Variants in HTR2C observed in about 807,000 individuals in gnomAD.
The protein encoded by HTR2C is 5-hydroxytryptamine (serotonin) receptor 2C, G protein-coupled.
In HTR2C, 5 loss-of-function variants were observed where a neutral mutation model predicts 21.0. The ratio of observed to expected loss-of-function variants is 0.24; its 90% CI spans 0.12 to 0.50. The LOEUF is 0.50. HTR2C is among the 20% of genes least tolerant of loss of function. The pLI, the probability that HTR2C is intolerant of heterozygous loss-of-function variation, is 0.98. For missense variants in HTR2C, 271 were observed against 371.2 expected, an observed-to-expected ratio of 0.73 and a Z score of 2.22; for synonymous variants, 150 against 145.3, an observed-to-expected ratio of 1.03 and a Z score of -0.23.
intron 2 of HTR2C, among the ~76,000 whole-genome samples, chrX:114,672,501 T>C (rs74635896): frequency 8.9e-6 from 1 of 112,350 alleles, no homozygotes; most frequent in African/African-American, 3.2e-5. Context: ...AAATTATTTT[T>C]TAAAGGGGTA....
At chrX:114,651,304 C>A (rs1556408459) in intron 2 of HTR2C, among the ~76,000 whole-genome samples, 5 of 111,188 alleles carry the variant, frequency 4.5e-5, no homozygotes, top group Non-Finnish European at 9.5e-5. Flanking sequence ...CAGTTGTTCC[C>A]AGATAAATTT....
intron 2 of HTR2C, among the ~76,000 whole-genome samples, chrX:114,634,816 A>G (rs1272145263): frequency 9.0e-6 from 1 of 111,486 alleles, no homozygotes; most frequent in Admixed American, 9.6e-5. Context: ...CATCTTAAAA[A>G]AAAAATCAGT....
chrX:114,836,424 G>T (rs183317399), intron 4 of HTR2C, among the ~76,000 whole-genome samples: 1 of 112,616 alleles, frequency 8.9e-6, no homozygotes, highest in Non-Finnish European at 1.9e-5. Flanking sequence ...CGTTTTTTAA[G>T]CCGGTCGGAA....
chrX:114,723,892 A>C (rs1463553370), intron 2 of HTR2C, among the ~76,000 whole-genome samples: 11 of 98,860 alleles, frequency 1.1e-4, no homozygotes, highest in African/African-American at 3.3e-4. Flanking sequence ...AGTTTGTTAT[A>C]ATCTCTGTTC....
intron 1 of HTR2C, among the ~76,000 whole-genome samples, chrX:114,597,362 G>A (rs1352723313): frequency 1.8e-5 from 2 of 111,297 alleles, no homozygotes; most frequent in Admixed American, 9.6e-5. Context: ...AACATTTTAC[G>A]GTTCCTACCA....
intron 4 of HTR2C, among the ~76,000 whole-genome samples, chrX:114,815,269 A>G (rs1299226135): frequency 5.4e-5 from 6 of 110,655 alleles, no homozygotes; most frequent in African/African-American, 2.0e-4. Context: ...GATGATGACT[A>G]GAAAGAGATA....
At chrX:114,593,017 T>C (rs1384592046) in intron 1 of HTR2C, among the ~76,000 whole-genome samples, 1 of 111,829 alleles carries the variant, frequency 8.9e-6, no homozygotes, top group Non-Finnish European at 1.9e-5. Context: ...CAGAGAAAGA[T>C]GTACGGTTTG....
chrX:114,610,042 G>A (rs148181049), intron 1 of HTR2C, among the ~76,000 whole-genome samples: 3,600 of 111,813 alleles, frequency 0.032, 150 homozygotes, highest in African/African-American at 0.11. Flanking sequence ...ACTCATTAAG[G>A]TGGATTCCTT....
intron 2 of HTR2C, chrX:114,715,280 C>T (rs782471028): frequency 1.0e-5 from 4 of 382,873 alleles, no homozygotes; most frequent in South Asian, 2.4e-5. Context: ...TATCCAAGTA[C>T]CCTGTGTTAT....
At chrX:114,729,184 C>G (rs1207312541) in intron 3 of HTR2C, among the ~76,000 whole-genome samples, 1 of 111,939 alleles carries the variant, frequency 8.9e-6, no homozygotes, top group Admixed American at 9.5e-5. Context: ...AAAATAAAAT[C>G]AAGACTTAAA....
chrX:114,795,306 C>T (rs1433252413), intron 4 of HTR2C, among the ~76,000 whole-genome samples: 2 of 110,862 alleles, frequency 1.8e-5, no homozygotes, highest in South Asian at 3.8e-4. Context: ...TTCTCCCATT[C>T]TGTAGGTTGC....
intron 2 of HTR2C, among the ~76,000 whole-genome samples, chrX:114,706,495 G>C (rs1269407181): frequency 1.0e-5 from 1 of 98,809 alleles, no homozygotes; most frequent in African/African-American, 3.7e-5. Context: ...ACTCATAGTT[G>C]GGAATTGAAC....
chrX:114,729,425 T>C (rs2069514781), intron 3 of HTR2C, among the ~76,000 whole-genome samples: 1 of 111,715 alleles, frequency 9.0e-6, no homozygotes, highest in South Asian at 3.8e-4. Context: ...GGTCAAAAAT[T>C]ACTGAAGTCA....
At chrX:114,633,813 A>T (rs781833321) in intron 2 of HTR2C, among the ~76,000 whole-genome samples, 1 of 109,121 alleles carries the variant, frequency 9.2e-6, no homozygotes, top group Non-Finnish European at 1.9e-5. Context: ...ATGTACACAT[A>T]TATATGTGTG....
At chrX:114,893,436 C>T (rs1556483264) in intron 5 of HTR2C, among the ~76,000 whole-genome samples, 1 of 110,652 alleles carries the variant, frequency 9.0e-6, no homozygotes, top group Non-Finnish European at 1.9e-5. Context: ...AAAAAAGTGC[C>T]AAGATAATTA....
At chrX:114,831,583 A>G (rs2070728686) in intron 4 of HTR2C, among the ~76,000 whole-genome samples, 1 of 99,680 alleles carries the variant, frequency 1.0e-5, no homozygotes, top group African/African-American at 3.7e-5. Context: ...AGTTTATTGT[A>G]GATTCTGGAT....
At chrX:114,769,774 T>A (rs1218458784) in intron 4 of HTR2C, among the ~76,000 whole-genome samples, 1 of 111,557 alleles carries the variant, frequency 9.0e-6, no homozygotes, top group Non-Finnish European at 1.9e-5. Context: ...AATAGTTTTG[T>A]GTTTTTTTTC....
intron 2 of HTR2C, among the ~76,000 whole-genome samples, chrX:114,726,224 G>A (rs890457255): frequency 8.9e-5 from 10 of 112,519 alleles, no homozygotes; most frequent in South Asian, 3.6e-4. Flanking sequence ...CTGGTGCGCC[G>A]TTTTTTAAGC....
At chrX:114,603,576 C>T (rs1556395654) in intron 1 of HTR2C, among the ~76,000 whole-genome samples, 1 of 99,853 alleles carries the variant, frequency 1.0e-5, no homozygotes, top group African/African-American at 3.7e-5. Context: ...AGAGGGAGCA[C>T]GTGTGTTTTT....
Sources: gnomAD v4.1 joint callset for allele counts (sites outside exome capture counted in the v4.1 genomes callset) on GRCh38, gnomAD v4.1.1 for gene constraint, MANE v1.5 for transcripts, NCBI Gene and HGNC (gene_info 2026-07-23, HGNC 2026-07-21) for gene names.